JADE2: variants seen among roughly 807,000 people sequenced by gnomAD.
The protein encoded by JADE2 is jade family PHD finger 2.
A neutral mutation model predicts 85.7 loss-of-function variants in JADE2; 13 were observed. That is an observed-to-expected ratio of 0.15 (90% CI 0.10 to 0.24). JADE2 has a LOEUF of 0.24. Ranked by LOEUF, JADE2 falls within the 10% of genes least tolerant of loss-of-function variation. JADE2 has a pLI of 1.00. For synonymous variants in JADE2, 440 were observed against 456.1 expected, an observed-to-expected ratio of 0.96 and a Z score of 0.45; for missense variants, 846 against 1,115.9, an observed-to-expected ratio of 0.76 and a Z score of 3.45.
chr5:134,562,796 T>C lies in JADE2; in HGVS notation c.852+429T>C, dbSNP rs889015221. 1.3e-5 allele frequency among the ~76,000 whole-genome samples: 2 copies of C among 152,000 alleles called. No individual in the cohort carries two copies. Among genetic ancestry groups the C allele is most frequent in the Admixed American group, 6.6e-5 (1 of 15,262 alleles). On this transcript the variant is annotated intron_variant, in intron 7 of 11. Transcript: ENST00000681547. The surrounding 1 kb of genome is among the most constrained non-coding windows in gnomAD (Gnocchi z 4.6). ...AAACAAAACAAAGCACACACTGGGA[T>C]CTCAGGTGATGGGCCAGCAAAGAAT...
At chr5:134,571,601 G>T (rs148632082) in intron 9 of JADE2, among the ~76,000 whole-genome samples, 1,884 of 152,348 alleles carry the variant, frequency 0.012, 31 homozygotes, top group African/African-American at 0.043. Flanking sequence ...GGAGGCTGAG[G>T]CAGGAGAATG....
At chr5:134,539,491 G>T (rs908407881) in intron 3 of JADE2, among the ~76,000 whole-genome samples, 1 of 152,196 alleles carries the variant, frequency 6.6e-6, no homozygotes, top group Admixed American at 6.5e-5. Flanking sequence ...GAGCCACCGC[G>T]CCCGGCCAAT....
Position 134,573,750 on chromosome 5 carries a change from G to A in JADE2, c.1540G>A (p.Asp514Asn). 1 of 1,608,064 alleles carries A rather than the reference G, an allele frequency of 6.2e-7. No individual in the cohort carries two copies. Among genetic ancestry groups the A allele is most frequent in the South Asian group, 1.1e-5 (1 of 90,968 alleles). Residue 514 changes from aspartate (D) to asparagine (N), a missense_variant, in exon 10 of 12, where the codon GAT (aspartate) becomes AAT (asparagine). Physicochemically the swap from Asp to Asn is conservative, Grantham distance 23 (BLOSUM62 1). This residue lies in a region of JADE2 where 119 missense variants were observed against 163.9 expected (regional missense o/e 0.73). Coordinates refer to ENST00000681547, the MANE Select transcript of JADE2 (RefSeq NM_001388185.1). ...CCTGCAGATGAAACTTATTGAACAGGATCTGTGTCGAGGTAGGCGCCTTCC... is the reference window on the plus strand; with the variant it reads ...CCTGCAGATGAAACTTATTGAACAGAATCTGTGTCGAGGTAGGCGCCTTCC... ...FHLQMKLIEQ[D>N]LCRERSGRRA...
chr5:134,539,554 G>T (rs1316279567), intron 3 of JADE2, among the ~76,000 whole-genome samples: 1 of 152,230 alleles, frequency 6.6e-6, no homozygotes, highest in Non-Finnish European at 1.5e-5. Flanking sequence ...CCAGGCACTG[G>T]GGCTGGACAC....
At chr5:134,524,099 GT>G (rs1162061859), upstream of JADE2, among the ~76,000 whole-genome samples, 1 of 152,210 alleles carries the variant, frequency 6.6e-6, no homozygotes, top group Non-Finnish European at 1.5e-5. Flanking sequence ...GGAAGAAAAA[GT>G]TGGCCACGAT....
At chr5:134,524,798 G>T (rs1282786788), upstream of JADE2, among the ~76,000 whole-genome samples, 1 of 152,196 alleles carries the variant, frequency 6.6e-6, no homozygotes, top group Non-Finnish European at 1.5e-5. Context: ...TCCCCCGCCC[G>T]GAATGTTAGT....
At chr5:134,563,314 T>TA (rs397966244) in intron 7 of JADE2, among the ~76,000 whole-genome samples, 25,419 of 140,112 alleles carry the variant, frequency 0.18, 2,458 homozygotes, top group East Asian at 0.36. Flanking sequence ...TGAGACTGTT[T>TA]AAAAAAAAAA....
At chr5:134,525,509 G>A (rs1760740899), upstream of JADE2, 2 of 307,530 alleles carry the variant, frequency 6.5e-6, no homozygotes, top group Non-Finnish European at 1.2e-5. Flanking sequence ...GGGGGTTGGG[G>A]GGGCGGCGAC....
chr5:134,578,745 C>A lies in JADE2; in HGVS notation c.1933C>A (p.Pro645Thr). The A allele has an allele frequency of 6.2e-7, 1 of 1,613,676 alleles. No homozygotes were observed. The highest frequency in any genetic ancestry group is 1.1e-5 in the South Asian group (1 of 91,080). Residue 645 changes from proline to threonine, a missense_variant, in exon 12 of 12, where the codon CCT becomes ACT. This residue lies in a region of JADE2 where 300 missense variants were observed against 300.7 expected (regional missense o/e 1.00). Transcript: ENST00000681547. The surrounding 1 kb of genome is among the most constrained non-coding windows in gnomAD (Gnocchi z 4.4). ...GAAGGCCCGAGGCCGCACCCGCCTG[C>A]CTGCCAAGAAGAAACCACCACCACC... ...ARKARGRTRLPAKKKPPPPPP... is the reference protein window; with the variant it reads ...ARKARGRTRLTAKKKPPPPPP...
In JADE2 at chr5:134,528,417, A is replaced by C. The variant is rs551717919; in HGVS notation, c.-1+2406A>C. On this transcript the variant is annotated intron_variant, in intron 1 of 11. Transcript: ENST00000681547. ...TAGACGGGCTGGGACTCGCAGAGCC[A>C]TCTAACAAGCAGAGGAGGAAAATAA... Among the ~76,000 whole-genome samples, 359 of 152,238 alleles carry C rather than the reference A, an allele frequency of 2.4e-3. 1 individual carries two copies. The highest frequency in any genetic ancestry group is 7.4e-3 in the African/African-American group (307 of 41,522).
At chr5:134,560,718 C>T (rs1475780330) in intron 5 of JADE2, 28 bp from the exon 6 acceptor site, 1 of 1,598,584 alleles carries the variant, frequency 6.3e-7, no homozygotes, top group South Asian at 1.1e-5. Flanking sequence ...GCTCCTAACA[C>T]CACCATGCCC....
At chr5:134,548,064 A>G (rs1762393544) in intron 3 of JADE2, among the ~76,000 whole-genome samples, 2 of 152,208 alleles carry the variant, frequency 1.3e-5, no homozygotes, top group Non-Finnish European at 2.9e-5. Context: ...CCCGTGTGCA[A>G]AGGGTTAAAT....
intron 8 of JADE2, among the ~76,000 whole-genome samples, chr5:134,564,985 C>G (rs1226530762): frequency 6.6e-6 from 1 of 152,202 alleles, no homozygotes; most frequent in East Asian, 1.9e-4. Context: ...AATAGACTGT[C>G]CTGACACTGG....
chr5:134,577,005 C>A, intron 11 of JADE2, 109 bp downstream of exon 11: 1 of 1,323,336 alleles, frequency 7.6e-7, no homozygotes, highest in Non-Finnish European at 1.0e-6. Context: ...GAGACTGAGG[C>A]TCAAGAGCGG....
At position 134,580,866 on chromosome 5, in the gene JADE2, G is replaced by C. The variant is rs1440723440; in HGVS notation, c.*1549G>C. The C allele has an allele frequency of 6.6e-6, 1 of 152,616 alleles. No individual in the cohort carries two copies. The highest frequency in any genetic ancestry group is 1.5e-5 in the Non-Finnish European group (1 of 68,058). The allele number at this position is 152,616 out of a possible 1,614,324, so 9.5% of individuals were successfully genotyped here. ...CTTTGCTGCTGCTGAAGTGTACCTG[G>C]GTGTTAGATTTCAGATCCTGGGCTG... On this transcript the variant is annotated 3_prime_UTR_variant, in exon 12 of 12. Transcript: ENST00000681547.
intron 1 of JADE2, among the ~76,000 whole-genome samples, chr5:134,530,788 T>A (rs1318103010): frequency 1.3e-5 from 2 of 152,108 alleles, no homozygotes; most frequent in Non-Finnish European, 2.9e-5. Context: ...TGTGTGAGGT[T>A]AAGACGGGGA....
At chr5:134,526,326 G>T in intron 1 of JADE2, 2 of 985,260 alleles carry the variant, frequency 2.0e-6, no homozygotes, top group Non-Finnish European at 2.4e-6. Context: ...CTGCGGCAAA[G>T]CGCCCCCGGG....
intron 4 of JADE2, among the ~76,000 whole-genome samples, chr5:134,559,031 G>A (rs1400433091): frequency 6.6e-6 from 1 of 152,208 alleles, no homozygotes; most frequent in Non-Finnish European, 1.5e-5. Context: ...AGGGATCCTG[G>A]GACTGCAGCA....
intron 8 of JADE2, among the ~76,000 whole-genome samples, chr5:134,565,541 C>T (rs980634877): frequency 6.6e-6 from 1 of 152,176 alleles, no homozygotes; most frequent in African/African-American, 2.4e-5. Flanking sequence ...AGTCATTTTG[C>T]CCACACAAAA....
Sources: gnomAD v4.1 joint callset for allele counts (sites outside exome capture counted in the v4.1 genomes callset) on GRCh38, gnomAD v4.1.1 for gene constraint, gnomAD v4.1.1 regional missense constraint, Gnocchi (gnomAD v3.1) non-coding constraint, MANE v1.5 for transcripts, NCBI Gene and HGNC (gene_info 2026-07-23, HGNC 2026-07-21) for gene names.